Variants in PYGL observed in about 807,000 individuals in gnomAD.
The protein encoded by PYGL is glycogen phosphorylase L.
PYGL carries 90 observed loss-of-function variants against 100.1 expected under a neutral mutation model. The ratio of observed to expected loss-of-function variants is 0.90; its 90% CI spans 0.76 to 1.07. The LOEUF (loss-of-function observed/expected upper bound fraction) is 1.07. Among genes scored for constraint, PYGL ranks in the 50% least tolerant of loss-of-function variants. PYGL has a pLI of 0.00. For synonymous variants in PYGL, 373 were observed against 393.0 expected (o/e 0.95, Z 0.60); for missense variants, 1,016 against 1,057.6 (o/e 0.96, Z 0.55).
rs754629447 is a variant in PYGL at position 50,911,985 on chromosome 14, C to T, written c.1820G>A (p.Gly607Asp). ...KLFVPRTVIIGGKAAPGYHMA... is the reference protein window; with the variant it reads ...KLFVPRTVIIDGKAAPGYHMA... ...TGAATAGATTCAACTTACTTTACCA[C>T]CAATGATAACTGTCCTTGGCACGAA... Residue 607 changes from glycine (G) to aspartate (D), a missense_variant, in exon 15 of 20, where the codon GGT (glycine) becomes GAT (aspartate). Coordinates refer to ENST00000216392, the MANE Select transcript of PYGL (RefSeq NM_002863.5). 1 of 1,613,824 alleles carries T rather than the reference C, an allele frequency of 6.2e-7. No homozygotes were observed. Among genetic ancestry groups the T allele is most frequent in the Non-Finnish European group, 8.5e-7 (1 of 1,179,710 alleles).
chr14:50,933,825 T>C (rs940221063), intron 3 of PYGL, among the ~76,000 whole-genome samples: 7 of 152,120 alleles, frequency 4.6e-5, no homozygotes, highest in Admixed American at 1.3e-4. Flanking sequence ...TCCTATATAT[T>C]TACACACACA....
rs769652894 is a variant in PYGL at position 50,931,795 on chromosome 14, A to G, written c.425-19T>C. 3 of 1,606,752 alleles carry G rather than the reference A, an allele frequency of 1.9e-6. No individual in the cohort carries two copies. Among genetic ancestry groups the G allele is most frequent in the South Asian group, 1.1e-5 (1 of 90,936 alleles). ...AAGCAGGCTACATTCAACAGAGCAC[A>G]GGCAAAAGATAGAGTCATTAAGCTG... is the stretch of plus-strand genomic sequence containing the variant. On this transcript the variant is annotated intron_variant, in intron 3 of 19. Transcript: ENST00000216392.
At chr14:50,933,572 C>T (rs2050622362) in intron 3 of PYGL, among the ~76,000 whole-genome samples, 1 of 152,086 alleles carries the variant, frequency 6.6e-6, no homozygotes, top group Non-Finnish European at 1.5e-5. Context: ...ACAAATAATA[C>T]ATTAATGCAT....
chr14:50,937,923 C>A, intron 1 of PYGL, 86 bp from the exon 2 acceptor site: 1 of 1,183,298 alleles, frequency 8.5e-7, no homozygotes. Context: ...GTTAGGTCAC[C>A]AATAAGAAAC....
intron 5 of PYGL, chr14:50,923,627 C>T (rs528406857): frequency 4.7e-6 from 1 of 212,968 alleles, no homozygotes; most frequent in East Asian, 1.3e-4. Flanking sequence ...GCTATCAACA[C>T]CTTAATATAA....
chr14:50,908,020 CA>C (rs34040095), intron 19 of PYGL: 103,901 of 225,724 alleles, frequency 0.46, 16,963 homozygotes, highest in Non-Finnish European at 0.49. Flanking sequence ...AGATCTGTCT[CA>C]AAAAAAAAAA....
At chr14:50,934,995 AC>A (rs1391653209) in intron 3 of PYGL, 111 bp downstream of exon 3, 4 of 961,374 alleles carry the variant, frequency 4.2e-6, no homozygotes, top group Non-Finnish European at 6.7e-6. Context: ...ACCAGGTCAT[AC>A]CTTGCGCTTC....
intron 1 of PYGL, among the ~76,000 whole-genome samples, chr14:50,941,099 G>A (rs2050698135): frequency 1.3e-5 from 2 of 152,210 alleles, no homozygotes; most frequent in African/African-American, 4.8e-5. Flanking sequence ...GCAGGCAAGA[G>A]GAGCCAATGA....
chr14:50,920,008 A>C (rs2050486420), intron 7 of PYGL, among the ~76,000 whole-genome samples: 1 of 151,796 alleles, frequency 6.6e-6, no homozygotes, highest in African/African-American at 2.4e-5. Context: ...TTTTTAACTA[A>C]GCTATATTTA....
rs2050728663 is a variant in PYGL at position 50,944,193 on chromosome 14, T to G, written c.211A>C (p.Thr71Pro). 3 of 1,610,304 alleles carry G rather than the reference T, an allele frequency of 1.9e-6. No individual in the cohort carries two copies. The highest frequency in any genetic ancestry group is 2.5e-6 in the Non-Finnish European group (3 of 1,179,734). Residue 71 changes from threonine (T) to proline (P), a missense_variant, in exon 1 of 20, where the codon ACG becomes CCG. Thr to Pro is a conservative substitution (Grantham distance 38). Coordinates refer to ENST00000216392, the MANE Select transcript of PYGL (RefSeq NM_002863.5). ...CACTTGTCGTAGTAGTGCTGCTGCG[T>G]GCGGATCCAGCGCCCCACCAGGTGG... ...RDHLVGRWIR[T>P]QQHYYDKCPK... is the part of the protein sequence containing the mutation.
At chr14:50,926,806 T>G (rs1342631662) in intron 4 of PYGL, among the ~76,000 whole-genome samples, 1 of 139,714 alleles carries the variant, frequency 7.2e-6, no homozygotes, top group African/African-American at 2.7e-5. Flanking sequence ...ATAAATAAAA[T>G]GATGACATCA....
chr14:50,943,706 A>G (rs568350451), intron 1 of PYGL, among the ~76,000 whole-genome samples: 1 of 152,244 alleles, frequency 6.6e-6, no homozygotes, highest in Non-Finnish European at 1.5e-5. Context: ...CTCCCCTCCC[A>G]AAATACCAAG....
At chr14:50,908,047 ACTC>A in intron 19 of PYGL, 1 of 389,826 alleles carries the variant, frequency 2.6e-6, no homozygotes, top group South Asian at 3.0e-5. Flanking sequence ...AAAAATTACA[ACTC>A]CTGCTGAAAT....
intron 3 of PYGL, among the ~76,000 whole-genome samples, chr14:50,933,588 T>C (rs2139192858): frequency 6.6e-6 from 1 of 152,332 alleles, no homozygotes; most frequent in Non-Finnish European, 1.5e-5. Flanking sequence ...TGCATCTTCC[T>C]TAAAAATATT....
rs759554598 is a variant in PYGL, at chr14:50,944,422, C to A, written c.-19G>T. On this transcript the variant is annotated 5_prime_UTR_variant, in exon 1 of 20. Coordinates refer to ENST00000216392, the MANE Select transcript of PYGL (RefSeq NM_002863.5). Reference sequence around the variant, plus strand: ...TCGCCATGGCTGGGGCGGCGGGCTGCGCGGCGGGCTGCGCAGAGAGCTGGA... The same window carrying A: ...TCGCCATGGCTGGGGCGGCGGGCTGAGCGGCGGGCTGCGCAGAGAGCTGGA... 4.4e-6 allele frequency: 7 copies of A among 1,591,496 alleles called. No individual in the cohort carries two copies. The highest frequency in any genetic ancestry group is 6.0e-6 in the Non-Finnish European group (7 of 1,173,198).
chr14:50,917,786 C>T (rs1389607032), intron 7 of PYGL, among the ~76,000 whole-genome samples: 1 of 152,220 alleles, frequency 6.6e-6, no homozygotes, highest in Non-Finnish European at 1.5e-5. Context: ...AAGTTCCTCC[C>T]ACATAGATTT....
chr14:50,918,709 G>A (rs2050475104), intron 7 of PYGL, among the ~76,000 whole-genome samples: 1 of 152,156 alleles, frequency 6.6e-6, no homozygotes, highest in South Asian at 2.1e-4. Flanking sequence ...ACACTGCTCA[G>A]GTGACAGGTG....
chr14:50,939,368 A>T (rs1350305015), intron 1 of PYGL, among the ~76,000 whole-genome samples: 1 of 152,192 alleles, frequency 6.6e-6, no homozygotes. Context: ...TTTTTCTATA[A>T]AGTCTATTTA....
intron 1 of PYGL, among the ~76,000 whole-genome samples, chr14:50,938,455 G>A (rs113934253): frequency 1.3e-5 from 2 of 152,104 alleles, no homozygotes; most frequent in East Asian, 1.9e-4. Context: ...CAGGTGATCC[G>A]CCCACCTCGG....
Sources: gnomAD v4.1 joint callset for allele counts (sites outside exome capture counted in the v4.1 genomes callset) on GRCh38, gnomAD v4.1.1 for gene constraint, MANE v1.5 for transcripts, NCBI Gene and HGNC (gene_info 2026-07-23, HGNC 2026-07-21) for gene names.